The following JAKMIP3 variants were observed in gnomAD, a reference collection of about 807,000 sequenced individuals.
JAKMIP3 encodes the protein Janus kinase and microtubule interacting protein 3.
In JAKMIP3, 58 loss-of-function variants were observed where a neutral mutation model predicts 118.5. The ratio of observed to expected loss-of-function variants is 0.49; its 90% CI spans 0.40 to 0.61. JAKMIP3 has a LOEUF of 0.61. Among genes scored for constraint, JAKMIP3 ranks in the 20% least tolerant of loss-of-function variants. The pLI is 0.00. For missense variants in JAKMIP3, 950 were observed against 1,109.0 expected, an observed-to-expected ratio of 0.86 and a Z score of 2.04; for synonymous variants, 486 against 451.2, an observed-to-expected ratio of 1.08 and a Z score of -0.98.
chr10:132,100,377 C>T (rs934275080), intron 1 of JAKMIP3, among the ~76,000 whole-genome samples: 18 of 152,282 alleles, frequency 1.2e-4, no homozygotes, highest in East Asian at 5.8e-4. Flanking sequence ...GTGTCTGGGC[C>T]ACCACCAGCT....
At chr10:132,048,962 C>G (rs1219636974) in intron 1 of JAKMIP3, among the ~76,000 whole-genome samples, 1 of 152,032 alleles carries the variant, frequency 6.6e-6, no homozygotes, top group African/African-American at 2.4e-5. Flanking sequence ...TTTCTAAAAT[C>G]CTTAGTCTAT....
At chr10:132,072,184 G>A (rs147785578) in intron 1 of JAKMIP3, among the ~76,000 whole-genome samples, 2,262 of 152,102 alleles carry the variant, frequency 0.015, 65 homozygotes, top group African/African-American at 0.052. Context: ...GGGATTACAG[G>A]CATGAGCCAC....
chr10:132,133,560 G>A (rs1481938490), intron 4 of JAKMIP3, 33 bp downstream of exon 4: 9 of 1,536,442 alleles, frequency 5.9e-6, no homozygotes, highest in South Asian at 4.8e-5. Context: ...GGCCCACCCC[G>A]TGTCACAGAC....
intron 1 of JAKMIP3, among the ~76,000 whole-genome samples, chr10:132,058,135 C>T (rs915995808): frequency 6.6e-6 from 1 of 152,170 alleles, no homozygotes; most frequent in Non-Finnish European, 1.5e-5. Flanking sequence ...TGAGAGCCAC[C>T]GACCTATGGG....
chr10:132,090,876 G>A (rs2043007884), intron 1 of JAKMIP3, among the ~76,000 whole-genome samples: 1 of 151,914 alleles, frequency 6.6e-6, no homozygotes, highest in Non-Finnish European at 1.5e-5. Context: ...ATGTTAGGGT[G>A]GCAATTTTAG....
At chr10:132,068,429 ACT>A (rs772634842) in intron 1 of JAKMIP3, among the ~76,000 whole-genome samples, 27 of 151,952 alleles carry the variant, frequency 1.8e-4, no homozygotes, top group Non-Finnish European at 3.5e-4. Flanking sequence ...CACTGAGATG[ACT>A]CTTTTTGAAA....
At chr10:132,101,997 G>A (rs576545571) in intron 1 of JAKMIP3, among the ~76,000 whole-genome samples, 1 of 100,058 alleles carries the variant, frequency 1.0e-5, no homozygotes, top group Non-Finnish European at 2.2e-5. Context: ...CGCTCATGTG[G>A]TTGGGACCAG....
At chr10:132,178,417 C>T (rs888721910) in intron 23 of JAKMIP3, among the ~76,000 whole-genome samples, 7 of 151,944 alleles carry the variant, frequency 4.6e-5, no homozygotes, top group African/African-American at 1.7e-4. Context: ...ATATTTTCCC[C>T]AAATCAGAGC....
intron 1 of JAKMIP3, among the ~76,000 whole-genome samples, chr10:132,047,801 C>A (rs2037965802): frequency 9.5e-6 from 1 of 105,160 alleles, no homozygotes; most frequent in Admixed American, 1.0e-4. Context: ...AGCTGAGTGT[C>A]CCCTCATGGA....
chr10:132,177,402 C>T (rs1057050728), intron 23 of JAKMIP3, among the ~76,000 whole-genome samples: 11 of 152,204 alleles, frequency 7.2e-5, no homozygotes, highest in African/African-American at 2.7e-4. Flanking sequence ...GGGGAGTGTG[C>T]CTGTGCATTT....
At position 132,117,155 on chromosome 10, in the gene JAKMIP3, C is replaced by G. The variant is rs1206514201; in HGVS notation, c.214C>G (p.Leu72Val). 6.2e-6 allele frequency: 10 copies of G among 1,613,690 alleles called. No homozygotes were observed. Among genetic ancestry groups the G allele is most frequent in the Non-Finnish European group, 5.9e-6 (7 of 1,179,894 alleles). ...TGAGCAGCATAAGACCGCGGTCTTG[C>G]TCACGGAGCTCAAGACAAAGCTGCA... ...EHEQHKTAVL[L>V]TELKTKLHEE... Residue 72 changes from leucine (L) to valine (V), a missense_variant, in exon 3 of 24, where the codon CTC becomes GTC. Coordinates refer to ENST00000684848, the MANE Select transcript of JAKMIP3 (RefSeq NM_001323087.2). This position sits in a 1 kb window ranked among gnomAD's most constrained non-coding sequence, Gnocchi z 8.6.
Position 132,121,657 on chromosome 10 carries a change from G to C in JAKMIP3, c.633+4083G>C, listed in dbSNP as rs901707674. On this transcript the variant is annotated intron_variant, in intron 3 of 23. Coordinates refer to ENST00000684848, the MANE Select transcript of JAKMIP3 (RefSeq NM_001323087.2). ...GGCACATTGCCGTGGCCCTGGGAGG[G>C]TGGTATCTGAGTCTGGGGACGGGCA... Among the ~76,000 whole-genome samples the C allele has an allele frequency of 2.6e-5, 4 of 152,220 alleles. No homozygotes were observed. The East Asian group carries it at 7.7e-4, about 29-fold the overall frequency.
chr10:132,058,418 T>C (rs1451266666), intron 1 of JAKMIP3, among the ~76,000 whole-genome samples: 1 of 152,086 alleles, frequency 6.6e-6, no homozygotes, highest in East Asian at 1.9e-4. Context: ...CGGGAAGAGG[T>C]AGCGAGGCTT....
At chr10:132,070,218 G>T (rs1351337461) in intron 1 of JAKMIP3, among the ~76,000 whole-genome samples, 3 of 152,068 alleles carry the variant, frequency 2.0e-5, no homozygotes, top group African/African-American at 7.2e-5. Context: ...CGCGTTCTTG[G>T]CTTACTGCAA....
intron 11 of JAKMIP3, among the ~76,000 whole-genome samples, chr10:132,142,374 C>G (rs2053692568): frequency 6.6e-6 from 1 of 152,208 alleles, no homozygotes; most frequent in Non-Finnish European, 1.5e-5. Flanking sequence ...ACCACCTCTT[C>G]CACTCTTGGC....
Position 132,182,641 on chromosome 10 carries a change from C to T in JAKMIP3, c.*1388C>T, listed in dbSNP as rs2061593593. On this transcript the variant is annotated 3_prime_UTR_variant, in exon 24 of 24. Coordinates refer to ENST00000684848, the MANE Select transcript of JAKMIP3 (RefSeq NM_001323087.2). Reference sequence around the variant, plus strand: ...GTGGGATTTAGCCATTTCGAGGCACCTAGAAGTTGAGGCAGCCAGCTGTGC... The same window carrying T: ...GTGGGATTTAGCCATTTCGAGGCACTTAGAAGTTGAGGCAGCCAGCTGTGC... The T allele has an allele frequency of 6.6e-6, 1 of 152,168 alleles. No individual in the cohort carries two copies. Among genetic ancestry groups the T allele is most frequent in the East Asian group, 1.9e-4 (1 of 5,186 alleles). The allele number at this position is 152,168 out of a possible 1,614,324, so 9.4% of individuals were successfully genotyped here.
intron 1 of JAKMIP3, among the ~76,000 whole-genome samples, chr10:132,041,615 C>T (rs981885277): frequency 9.2e-5 from 14 of 152,348 alleles, no homozygotes; most frequent in East Asian, 5.8e-4. Flanking sequence ...TCCTTTCCTG[C>T]GGCTGGTGGC....
chr10:132,045,933 T>TTA (rs111450929), intron 1 of JAKMIP3, among the ~76,000 whole-genome samples: 1 of 144,150 alleles, frequency 6.9e-6, no homozygotes, highest in African/African-American at 2.6e-5. Context: ...GATCCTGTCT[T>TTA]AAAAAAAAAA....
rs147457840 is a variant in JAKMIP3, at chr10:132,049,274, C to T, written c.-138+12536C>T. 6.6e-6 allele frequency among the ~76,000 whole-genome samples: 1 copy of T among 152,218 alleles called. No individual in the cohort carries two copies. Among genetic ancestry groups the T allele is most frequent in the Non-Finnish European group, 1.5e-5 (1 of 68,048 alleles). ...GGGAGCACAGCTATAGCTATGAGCA[C>T]TGACCCACGGCTTTGCTTCCCTTCC... On this transcript the variant is annotated intron_variant, in intron 1 of 23. Coordinates refer to the JAKMIP3 transcript ENST00000657785. The surrounding 1 kb of genome is among the most constrained non-coding windows in gnomAD (Gnocchi z 4.3).
Sources: allele counts gnomAD v4.1 joint callset (sites outside exome capture counted in the v4.1 genomes callset), GRCh38; gene constraint gnomAD v4.1.1; non-coding constraint Gnocchi (gnomAD v3.1); transcripts MANE v1.5; gene names NCBI Gene and HGNC (gene_info 2026-07-23, HGNC 2026-07-21).